WDR72: variants seen among roughly 807,000 people sequenced by gnomAD.
The protein encoded by WDR72 is WD repeat domain 72.
In WDR72, 120 loss-of-function variants were observed where a neutral mutation model predicts 124.2. The observed-to-expected ratio is 0.97, with a 90% confidence interval of 0.83 to 1.12. WDR72 has a LOEUF of 1.12. Among genes scored for constraint, WDR72 ranks in the 50% most tolerant of loss-of-function variants. The pLI is 0.00. For synonymous variants in WDR72, 452 were observed against 441.7 expected, an observed-to-expected ratio of 1.02 and a Z score of -0.29; for missense variants, 1,387 against 1,278.8, an observed-to-expected ratio of 1.08 and a Z score of -1.29.
intron 17 of WDR72, among the ~76,000 whole-genome samples, chr15:53,603,096 C>G (rs909294370): frequency 2.0e-5 from 3 of 152,014 alleles, no homozygotes; most frequent in African/African-American, 7.2e-5. Context: ...CAACAAAATA[C>G]TGGCAAACCA....
Position 53,724,094 on chromosome 15 carries a change from G to A in WDR72, c.154-1186C>T, listed in dbSNP as rs529259632. ...AAATACTATATGATCTCACTTCTAT[G>A]CAGAACCTAAAAGGCCAAACTCATA... On this transcript the variant is annotated intron_variant, in intron 2 of 19. Transcript: ENST00000360509. Among the ~76,000 whole-genome samples the A allele has an allele frequency of 2.0e-5, 3 of 152,278 alleles. No individual in the cohort carries two copies. The East Asian group carries it at 5.8e-4, about 29-fold the overall frequency.
chr15:53,589,540 C>G (rs761899639), intron 18 of WDR72, among the ~76,000 whole-genome samples: 60 of 150,112 alleles, frequency 4.0e-4, no homozygotes, highest in Non-Finnish European at 7.8e-4. Flanking sequence ...CTTGAAGGGT[C>G]AGTGTCGGGA....
chr15:53,628,057 C>T (rs561823368), intron 14 of WDR72, among the ~76,000 whole-genome samples: 3 of 152,222 alleles, frequency 2.0e-5, no homozygotes, highest in African/African-American at 7.2e-5. Flanking sequence ...TCTCTTTGTT[C>T]TCAACCTTCT....
intron 1 of WDR72, among the ~76,000 whole-genome samples, chr15:53,748,795 T>C (rs1301193650): frequency 6.6e-6 from 1 of 152,228 alleles, no homozygotes; most frequent in Non-Finnish European, 1.5e-5. Context: ...CCAGATTTCA[T>C]CTTCTATCAA....
In WDR72 at chr15:53,518,325, A is replaced by AAAAC. The variant is rs1378726926; in HGVS notation, c.3254-575_3254-572dup. ...AACATTGTTCCTTAATAACTATTTTAAAACACATTTATATTAATGACATGT... is the reference window on the plus strand; with the variant it reads ...AACATTGTTCCTTAATAACTATTTTAAAACAAACACATTTATATTAATGACATGT... On this transcript the variant is annotated intron_variant, in intron 19 of 19. Transcript: ENST00000360509. Among the ~76,000 whole-genome samples, 6 of 152,214 alleles carry AAAAC rather than the reference A, an allele frequency of 3.9e-5. No homozygotes were observed. The East Asian group carries it at 1.2e-3, about 29-fold the overall frequency.
chr15:53,627,779 T>TTA (rs1566992000), intron 14 of WDR72, among the ~76,000 whole-genome samples: 1 of 152,216 alleles, frequency 6.6e-6, no homozygotes, highest in Non-Finnish European at 1.5e-5. Context: ...ACTTGATTCA[T>TTA]TATATAGTCA....
At chr15:53,717,085 T>C (rs1255053168) in intron 3 of WDR72, among the ~76,000 whole-genome samples, 1 of 152,162 alleles carries the variant, frequency 6.6e-6, no homozygotes, top group Non-Finnish European at 1.5e-5. Flanking sequence ...CTGAGGCCAA[T>C]GTATCATTTT....
chr15:53,685,229 G>C (rs1418334343), intron 13 of WDR72, among the ~76,000 whole-genome samples: 4 of 147,018 alleles, frequency 2.7e-5, no homozygotes, highest in Non-Finnish European at 5.9e-5. Context: ...TTGACGAGCT[G>C]AGAGAAGAAG....
intron 13 of WDR72, among the ~76,000 whole-genome samples, chr15:53,687,251 C>CA (rs1232208500): frequency 8.1e-5 from 12 of 148,516 alleles, no homozygotes; most frequent in Admixed American, 1.3e-4. Context: ...AAAAACCCTT[C>CA]AAAAAATTAA....
chr15:53,666,341 GA>G (rs995790541), intron 13 of WDR72, among the ~76,000 whole-genome samples: 4 of 151,898 alleles, frequency 2.6e-5, no homozygotes, highest in African/African-American at 7.3e-5. Flanking sequence ...ATTAGAAGGG[GA>G]AAAAAATCCT....
chr15:53,564,060 A>T (rs537101297), intron 18 of WDR72, among the ~76,000 whole-genome samples: 30 of 151,998 alleles, frequency 2.0e-4, no homozygotes, highest in African/African-American at 7.2e-4. Flanking sequence ...TACCCTTGAA[A>T]TGCAGACCAA....
At chr15:53,665,847 C>G (rs748571562) in intron 13 of WDR72, 79 bp from the exon 14 acceptor site, 7 of 1,383,188 alleles carry the variant, frequency 5.1e-6, no homozygotes, top group Non-Finnish European at 5.1e-6. Context: ...CACTCTTTAG[C>G]AGAAGAATCA....
Position 53,615,414 on chromosome 15 carries a change from G to C in WDR72, c.2780+12C>G. ...TAATCTAGTATAGTCAAAATCTCTAGGTATGTCTTACCTGCCAACTCTACA... is the reference window on the plus strand; with the variant it reads ...TAATCTAGTATAGTCAAAATCTCTACGTATGTCTTACCTGCCAACTCTACA... On this transcript the variant is annotated intron_variant, in intron 15 of 19. Coordinates refer to ENST00000360509, the MANE Select transcript of WDR72 (RefSeq NM_182758.4). 1 of 1,588,180 alleles carries C rather than the reference G, an allele frequency of 6.3e-7. No homozygotes were observed. The highest frequency in any genetic ancestry group is 8.6e-7 in the Non-Finnish European group (1 of 1,160,158).
At chr15:53,634,507 CA>C (rs1376330184) in intron 14 of WDR72, among the ~76,000 whole-genome samples, 2 of 152,056 alleles carry the variant, frequency 1.3e-5, no homozygotes, top group African/African-American at 2.4e-5. Flanking sequence ...AAAAAAAATG[CA>C]AAAAACTTAC....
At chr15:53,548,135 C>T (rs1335851795) in intron 18 of WDR72, among the ~76,000 whole-genome samples, 1 of 152,180 alleles carries the variant, frequency 6.6e-6, no homozygotes, top group Non-Finnish European at 1.5e-5. Context: ...GTCACCAACT[C>T]TGCTTACTCC....
At chr15:53,679,943 G>GT (rs2016320297) in intron 13 of WDR72, among the ~76,000 whole-genome samples, 1 of 27,524 alleles carries the variant, frequency 3.6e-5, no homozygotes, top group East Asian at 3.4e-3. Context: ...TATATCTGCA[G>GT]CAAAAAAAAA....
At chr15:53,540,736 G>C (rs534310600) in intron 18 of WDR72, among the ~76,000 whole-genome samples, 1 of 152,150 alleles carries the variant, frequency 6.6e-6, no homozygotes, top group Non-Finnish European at 1.5e-5. Context: ...GAGGTACCGG[G>C]TTCATCTCAC....
chr15:53,574,272 C>T (rs2140309662), intron 18 of WDR72, among the ~76,000 whole-genome samples: 1 of 152,304 alleles, frequency 6.6e-6, no homozygotes, highest in African/African-American at 2.4e-5. Flanking sequence ...GAGATGCCTT[C>T]TATACATGCC....
At chr15:53,639,513 T>TAATTTTATTTATTTATAAAATTATATAA (rs1300122097) in intron 14 of WDR72, among the ~76,000 whole-genome samples, 2 of 146,988 alleles carry the variant, frequency 1.4e-5, no homozygotes, top group Non-Finnish European at 3.0e-5. Flanking sequence ...AAATTATATA[T>TAATTTTATTTATTTATAAAATTATATAA]AATTTTATTT....
Sources: allele counts gnomAD v4.1 joint callset (sites outside exome capture counted in the v4.1 genomes callset), GRCh38; gene constraint gnomAD v4.1.1; transcripts MANE v1.5; gene names NCBI Gene and HGNC (gene_info 2026-07-23, HGNC 2026-07-21).